Variants in HDAC9 observed in about 807,000 individuals in gnomAD.
HDAC9 encodes the protein histone deacetylase 9.
HDAC9 carries 41 observed loss-of-function variants against 139.4 expected under a neutral mutation model. The observed-to-expected ratio is 0.29, with a 90% CI of 0.23 to 0.38. The LOEUF is 0.38. Ranked by LOEUF, HDAC9 falls within the 10% of genes least tolerant of loss-of-function variation. HDAC9 has a pLI of 1.00. For missense variants in HDAC9, 1,147 were observed against 1,297.0 expected, an observed-to-expected ratio of 0.88 and a Z score of 1.78; for synonymous variants, 517 against 476.2, an observed-to-expected ratio of 1.09 and a Z score of -1.12.
At chr7:18,849,501 A>G (rs1224552316) in intron 21 of HDAC9, among the ~76,000 whole-genome samples, 1 of 152,188 alleles carries the variant, frequency 6.6e-6, no homozygotes, top group Non-Finnish European at 1.5e-5. Context: ...ATTTTGTTTC[A>G]GCTTAAGTAT....
chr7:18,349,857 A>C (rs1454913594), intron 1 of HDAC9, among the ~76,000 whole-genome samples: 2 of 152,188 alleles, frequency 1.3e-5, no homozygotes, highest in African/African-American at 4.8e-5. Context: ...TTCAATATTA[A>C]TACTTAGTAT....
At chr7:18,893,485 T>C (rs181162700) in intron 22 of HDAC9, among the ~76,000 whole-genome samples, 1 of 152,288 alleles carries the variant, frequency 6.6e-6, no homozygotes, top group East Asian at 1.9e-4. Flanking sequence ...TGTTTGCATG[T>C]GGCTTATATT....
At chr7:18,531,968 G>C (rs767861236) in intron 2 of HDAC9, among the ~76,000 whole-genome samples, 2 of 152,134 alleles carry the variant, frequency 1.3e-5, no homozygotes, top group African/African-American at 2.4e-5. Context: ...GAATTAAAAG[G>C]CTGGGCACAG....
chr7:18,383,114 C>T (rs1009924495), intron 1 of HDAC9, among the ~76,000 whole-genome samples: 1 of 152,100 alleles, frequency 6.6e-6, no homozygotes, highest in African/African-American at 2.4e-5. Flanking sequence ...TGACATTCAT[C>T]TGAAATGAAC....
chr7:18,096,883 T>G (rs918865254), intron 1 of HDAC9, among the ~76,000 whole-genome samples: 2 of 145,218 alleles, frequency 1.4e-5, no homozygotes, highest in Admixed American at 6.9e-5. Context: ...CTTGTTGGCT[T>G]TGTGTGTGTG....
chr7:18,824,054 G>GAAGAAGAAGAAGAAC (rs1170304470), intron 17 of HDAC9, among the ~76,000 whole-genome samples: 4 of 145,630 alleles, frequency 2.7e-5, no homozygotes, highest in African/African-American at 1.1e-4. Flanking sequence ...GGAAGAAGAA[G>GAAGAAGAAGAAGAAC]AAGAAGAAGA....
intron 2 of HDAC9, among the ~76,000 whole-genome samples, chr7:18,195,811 C>A (rs1301111318): frequency 1.3e-5 from 2 of 152,118 alleles, no homozygotes; most frequent in Middle Eastern, 3.4e-3. Flanking sequence ...ATATGTTTGC[C>A]GTTATGTATA....
chr7:18,441,763 T>TTTG (rs200207868), intron 1 of HDAC9, among the ~76,000 whole-genome samples: 4,581 of 150,302 alleles, frequency 0.03, 184 homozygotes, highest in African/African-American at 0.095. Context: ...ACATATATGT[T>TTTG]TTGTTGTTGT....
At chr7:18,167,193 A>AT (rs57125526) in intron 2 of HDAC9, among the ~76,000 whole-genome samples, 6,029 of 143,094 alleles carry the variant, frequency 0.042, 334 homozygotes, top group East Asian at 0.29. Context: ...ATTGTTTTGG[A>AT]TTTTTTTTTT....
chr7:18,817,047 T>G (rs1350078680), intron 17 of HDAC9, among the ~76,000 whole-genome samples: 2 of 151,950 alleles, frequency 1.3e-5, no homozygotes, highest in Admixed American at 1.3e-4. Context: ...TGTTTTTTTT[T>G]TTTTTGAAAT....
chr7:18,715,815 A>T (rs1784657913), intron 12 of HDAC9, among the ~76,000 whole-genome samples: 1 of 152,202 alleles, frequency 6.6e-6, no homozygotes, highest in Non-Finnish European at 1.5e-5. Flanking sequence ...ATTATTTTTT[A>T]AATTAATGAC....
At chr7:18,223,427 G>A (rs1792841656) in intron 2 of HDAC9, among the ~76,000 whole-genome samples, 1 of 142,666 alleles carries the variant, frequency 7.0e-6, no homozygotes. Flanking sequence ...GGCACTTTAT[G>A]TGCATGTTCT....
intron 17 of HDAC9, among the ~76,000 whole-genome samples, chr7:18,819,231 G>A (rs975946765): frequency 6.6e-6 from 1 of 152,156 alleles, no homozygotes; most frequent in Admixed American, 6.5e-5. Flanking sequence ...AGTGAGCTGA[G>A]ATAGCACCAC....
intron 2 of HDAC9, among the ~76,000 whole-genome samples, chr7:18,554,311 C>A (rs985892870): frequency 6.9e-6 from 1 of 144,906 alleles, no homozygotes; most frequent in South Asian, 2.2e-4. Flanking sequence ...TGTACACCAA[C>A]TGGTATTACA....
chr7:18,277,489 G>C (rs1390715024), intron 2 of HDAC9, among the ~76,000 whole-genome samples: 1 of 152,186 alleles, frequency 6.6e-6, no homozygotes, highest in Non-Finnish European at 1.5e-5. Context: ...AAGGTGGGAG[G>C]AGGAGGATGA....
intron 6 of HDAC9, among the ~76,000 whole-genome samples, chr7:18,615,895 T>C (rs1838443911): frequency 6.6e-6 from 1 of 152,210 alleles, no homozygotes; most frequent in Admixed American, 6.5e-5. Flanking sequence ...TACTTTACAC[T>C]GCTGGAGGTC....
chr7:18,387,658 T>C (rs1398245233), intron 1 of HDAC9, among the ~76,000 whole-genome samples: 1 of 152,238 alleles, frequency 6.6e-6, no homozygotes. Flanking sequence ...TTTAGAATTT[T>C]AGAAATAACT....
intron 1 of HDAC9, among the ~76,000 whole-genome samples, chr7:18,483,717 G>GT (rs1795755685): frequency 1.3e-5 from 2 of 152,052 alleles, no homozygotes; most frequent in Non-Finnish European, 2.9e-5. Context: ...AGTTCTTTCT[G>GT]TTTTTTCATT....
chr7:18,798,867 C>G (rs924947708), intron 17 of HDAC9, among the ~76,000 whole-genome samples: 10 of 152,168 alleles, frequency 6.6e-5, no homozygotes, highest in African/African-American at 2.4e-4. Flanking sequence ...ATCTAGAAAG[C>G]CACATGTATG....
Sources: gnomAD v4.1 joint callset for allele counts (sites outside exome capture counted in the v4.1 genomes callset) on GRCh38, gnomAD v4.1.1 for gene constraint, MANE v1.5 for transcripts, NCBI Gene and HGNC (gene_info 2026-07-23, HGNC 2026-07-21) for gene names.